The following RASGRP3 variants were observed in gnomAD, a reference collection of about 807,000 sequenced individuals.
The protein encoded by RASGRP3 is ras guanyl-releasing protein 3.
Under a neutral mutation model 82.7 loss-of-function variants are expected in RASGRP3, and 54 were observed. The observed-to-expected ratio is 0.65, with a 90% CI of 0.52 to 0.82. RASGRP3 has a LOEUF of 0.82. Ranked by LOEUF, RASGRP3 falls within the 40% of genes least tolerant of loss-of-function variation. RASGRP3 has a pLI of 0.00. For missense variants in RASGRP3, 861 were observed against 828.9 expected (o/e 1.04, Z -0.48); for synonymous variants, 309 against 300.5 (o/e 1.03, Z -0.29).
intron 2 of RASGRP3, among the ~76,000 whole-genome samples, chr2:33,459,291 C>A (rs145916827): frequency 6.6e-6 from 1 of 152,088 alleles, no homozygotes; most frequent in Non-Finnish European, 1.5e-5. Flanking sequence ...CCCGCCACCA[C>A]GCCCTGCTAA....
intron 1 of RASGRP3, among the ~76,000 whole-genome samples, chr2:33,510,608 A>G (rs899736991): frequency 6.6e-6 from 1 of 152,188 alleles, no homozygotes; most frequent in African/African-American, 2.4e-5. Flanking sequence ...TTCAGGCCTC[A>G]ACTTAAAAGA....
intron 9 of RASGRP3, among the ~76,000 whole-genome samples, 177 bp from the exon 10 acceptor site, chr2:33,526,960 C>A (rs558911535): frequency 1.3e-5 from 2 of 152,182 alleles, no homozygotes; most frequent in African/African-American, 4.8e-5. Context: ...CAATGCATAG[C>A]CAGGCCTAGT....
intron 2 of RASGRP3, among the ~76,000 whole-genome samples, chr2:33,466,545 G>T (rs902207210): frequency 6.6e-6 from 1 of 152,156 alleles, no homozygotes; most frequent in Non-Finnish European, 1.5e-5. Context: ...CGGGCATGGT[G>T]GTGGGTGCCT....
At chr2:33,512,957 T>C (rs902942350) in intron 2 of RASGRP3, among the ~76,000 whole-genome samples, 1 of 152,104 alleles carries the variant, frequency 6.6e-6, no homozygotes. Flanking sequence ...GAAAAATAAA[T>C]CCAGGAAAGG....
chr2:33,479,519 A>T (rs776006971), intron 1 of RASGRP3, among the ~76,000 whole-genome samples: 3 of 152,094 alleles, frequency 2.0e-5, no homozygotes, highest in South Asian at 2.1e-4. Flanking sequence ...TAGGTTGTTG[A>T]TGAATAGAAA....
chr2:33,460,118 A>G (rs1257102081), intron 2 of RASGRP3, among the ~76,000 whole-genome samples: 2 of 152,276 alleles, frequency 1.3e-5, no homozygotes, highest in African/African-American at 4.8e-5. Context: ...CACTGTTCAT[A>G]GAAGTAAAAA....
At chr2:33,555,429 C>A in intron 14 of RASGRP3, 102 bp from the exon 15 acceptor site, 1 of 967,954 alleles carries the variant, frequency 1.0e-6, no homozygotes, top group Non-Finnish European at 1.6e-6. Context: ...CTGTTTGTGC[C>A]TGGCCAGTCC....
chr2:33,494,161 A>G (rs1472763601), intron 1 of RASGRP3, among the ~76,000 whole-genome samples: 2 of 152,164 alleles, frequency 1.3e-5, no homozygotes, highest in Admixed American at 6.6e-5. Context: ...ACTGGCAACT[A>G]AGTAAAAAAA....
intron 15 of RASGRP3, among the ~76,000 whole-genome samples, chr2:33,557,071 A>C (rs1676062191): frequency 6.6e-6 from 1 of 152,200 alleles, no homozygotes; most frequent in South Asian, 2.1e-4. Flanking sequence ...ACTTAGGGGA[A>C]AATGGGTACT....
chr2:33,446,128 G>A (rs1397280855), intron 1 of RASGRP3, among the ~76,000 whole-genome samples: 3 of 152,032 alleles, frequency 2.0e-5, no homozygotes, highest in African/African-American at 7.2e-5. Flanking sequence ...TTTTTTGTTG[G>A]TTCCCAAATA....
chr2:33,493,319 G>C, intron 1 of RASGRP3: 1 of 152,320 alleles, frequency 6.6e-6, no homozygotes, highest in East Asian at 1.9e-4. Context: ...TAGAATCTGG[G>C]GACAACAACA....
rs991554728 is a variant in RASGRP3, at chr2:33,441,774, A to C, written c.-385+5183A>C. On this transcript the variant is annotated intron_variant, in intron 1 of 18. Coordinates refer to the RASGRP3 transcript ENST00000402538. ...TGATTCTAAATATTTACTTCAAAAT[A>C]CACAATATATTTTTTAGTAAAAAGC... Among the ~76,000 whole-genome samples, 6 of 152,382 alleles carry C rather than the reference A, an allele frequency of 3.9e-5. No individual in the cohort carries two copies. The South Asian group carries it at 1.0e-3, about 26-fold the overall frequency.
Position 33,518,958 on chromosome 2 carries a change from T to TA in RASGRP3, c.174-994_174-993insA, listed in dbSNP as rs987679335. On this transcript the variant is annotated intron_variant, in intron 4 of 17. Transcript: ENST00000403687. ...CTGAGGCTGTTTTACAGTTAACTTT[T>TA]TAATTTTTTAAGTAAAAGGAGTACT... Among the ~76,000 whole-genome samples, 30 of 152,336 alleles carry TA rather than the reference T, an allele frequency of 2.0e-4. 1 individual carries two copies. The highest frequency in any genetic ancestry group is 6.7e-4 in the African/African-American group (28 of 41,588).
At chr2:33,549,059 A>G (rs2151091924) in intron 13 of RASGRP3, among the ~76,000 whole-genome samples, 1 of 152,272 alleles carries the variant, frequency 6.6e-6, no homozygotes, top group East Asian at 1.9e-4. Context: ...GGGAAGGACC[A>G]GAGGTTTGTT....
At chr2:33,476,758 C>CGTGCGT (rs1553338895) in intron 1 of RASGRP3, 51 bp downstream of exon 1, 18,131 of 140,232 alleles carry the variant, frequency 0.13, 1,575 homozygotes, top group Non-Finnish European at 0.18. Context: ...ATTCCCTCTC[C>CGTGCGT]GTGTGTGTGT....
intron 2 of RASGRP3, among the ~76,000 whole-genome samples, chr2:33,469,855 A>G (rs565573209): frequency 6.6e-6 from 1 of 152,202 alleles, no homozygotes; most frequent in Non-Finnish European, 1.5e-5. Flanking sequence ...CGAATAGTTA[A>G]TGATTTAACC....
At chr2:33,501,786 T>C (rs1669898959) in intron 1 of RASGRP3, among the ~76,000 whole-genome samples, 1 of 151,784 alleles carries the variant, frequency 6.6e-6, no homozygotes. Context: ...AGGAAAGGAG[T>C]CTGCAGATGA....
At position 33,520,699 on chromosome 2, in the gene RASGRP3, G is replaced by T; in HGVS notation, c.368+15G>T. The T allele has an allele frequency of 6.2e-7, 1 of 1,613,372 alleles. No individual in the cohort carries two copies. The highest frequency in any genetic ancestry group is 8.5e-7 in the Non-Finnish European group (1 of 1,179,448). ...ATATCCAGCATGTAAGAGTGGCACCGACGTCTTTCACACCCAATAAGTCCA... is the reference window on the plus strand; with the variant it reads ...ATATCCAGCATGTAAGAGTGGCACCTACGTCTTTCACACCCAATAAGTCCA... On this transcript the variant is annotated intron_variant, in intron 6 of 17. Coordinates refer to ENST00000403687, the MANE Select transcript of RASGRP3 (RefSeq NM_001139488.2).
chr2:33,562,636 C>A, intron 17 of RASGRP3, 93 bp from the exon 18 acceptor site: 5 of 1,326,240 alleles, frequency 3.8e-6, no homozygotes, highest in Non-Finnish European at 5.4e-6. Flanking sequence ...TTCAGATGTT[C>A]CCTCAAAGTC....
Sources: gnomAD v4.1 joint callset for allele counts (sites outside exome capture counted in the v4.1 genomes callset) on GRCh38, gnomAD v4.1.1 for gene constraint, MANE v1.5 for transcripts, NCBI Gene and HGNC (gene_info 2026-07-23, HGNC 2026-07-21) for gene names.